The following DOCK9 variants were observed in gnomAD, a reference collection of about 807,000 sequenced individuals.
DOCK9 encodes dedicator of cytokinesis protein 9.
Under a neutral mutation model 263.3 loss-of-function variants are expected in DOCK9, and 89 were observed. The observed-to-expected ratio is 0.34, with a 90% confidence interval of 0.28 to 0.40. The LOEUF is 0.40. Ranked by LOEUF, DOCK9 falls within the 10% of genes least tolerant of loss-of-function variation. The pLI is 1.00. For synonymous variants in DOCK9, 976 were observed against 973.1 expected (o/e 1.00, Z -0.06); for missense variants, 2,140 against 2,603.4 (o/e 0.82, Z 3.87).
chr13:98,902,570 C>T (rs966007682), intron 11 of DOCK9, 79 bp from the exon 12 acceptor site: 3 of 1,390,522 alleles, frequency 2.2e-6, no homozygotes, highest in African/African-American at 1.4e-5. Context: ...AGAGAAATGA[C>T]AAGACCTATT....
intron 1 of DOCK9, among the ~76,000 whole-genome samples, chr13:98,987,512 A>C (rs971948256): frequency 3.3e-5 from 5 of 152,242 alleles, no homozygotes; most frequent in African/African-American, 1.2e-4. Context: ...GGTTAAATAC[A>C]AAACAAGTGA....
intron 5 of DOCK9, among the ~76,000 whole-genome samples, chr13:98,922,851 A>G (rs2052280281): frequency 6.6e-6 from 1 of 152,216 alleles, no homozygotes; most frequent in African/African-American, 2.4e-5. Flanking sequence ...CTCCCTTTAT[A>G]TAGTTCTTTA....
intron 20 of DOCK9, chr13:98,885,318 T>C: frequency 3.2e-6 from 2 of 616,258 alleles, no homozygotes; most frequent in African/African-American, 1.9e-5. Flanking sequence ...AATGTACATA[T>C]GCAGGCTGGG....
rs1402593501 is a variant in DOCK9 at position 98,850,084 on chromosome 13, A to T, written c.3976T>A (p.Ser1326Thr). 3 of 1,559,794 alleles carry T rather than the reference A, an allele frequency of 1.9e-6. No individual in the cohort carries two copies. The highest frequency in any genetic ancestry group is 1.7e-4 in the Middle Eastern group (1 of 5,758). The change falls in exon 36 of 53, where the codon TCA (serine) becomes ACA (threonine). Residue 1326 changes from serine (S) to threonine (T), a missense_variant. Physicochemically the swap from Ser to Thr is moderately conservative, Grantham distance 58. Coordinates refer to ENST00000682017, the MANE Select transcript of DOCK9 (RefSeq NM_001366683.2). ...DALFTYWNKA[S>T]TSELMDFFTI... is the part of the protein sequence containing the mutation. ...AAAAAATCCATAAGTTCAGATGTTG[A>T]AGCCTTGTTCCAATATGTAAACAAA...
chr13:98,848,689 TTCGGG>T, intron 36 of DOCK9, 50 bp from the exon 37 acceptor site: 1 of 1,546,400 alleles, frequency 6.5e-7, no homozygotes, highest in Non-Finnish European at 8.8e-7. Flanking sequence ...TAAAATTATT[TTCGGG>T]ACGTTATTTA....
rs373724003 is a variant in DOCK9 at position 99,015,004 on chromosome 13, T to TCCC, written c.130-59456_130-59454dup. Reference sequence around the variant, plus strand: ...TTCTTTCATGCTCCCTTTAAATTTCTCCCCCCCGCATCAAGGACTGGCCAT... The same window carrying TCCC: ...TTCTTTCATGCTCCCTTTAAATTTCTCCCCCCCCCCGCATCAAGGACTGGCCAT... On this transcript the variant is annotated intron_variant, in intron 1 of 32. Transcript: ENST00000427887. Among the ~76,000 whole-genome samples, 794 of 151,314 alleles carry TCCC rather than the reference T, an allele frequency of 5.2e-3. 7 individuals are homozygous for TCCC. The highest frequency in any genetic ancestry group is 0.018 in the African/African-American group (751 of 41,028).
At chr13:98,898,639 T>G (rs1182716689) in intron 13 of DOCK9, among the ~76,000 whole-genome samples, 1 of 152,218 alleles carries the variant, frequency 6.6e-6, no homozygotes, top group Non-Finnish European at 1.5e-5. Flanking sequence ...ATATATCACA[T>G]TATTAGGATT....
At chr13:99,076,701 G>A (rs941130380) in intron 1 of DOCK9, among the ~76,000 whole-genome samples, 3 of 152,072 alleles carry the variant, frequency 2.0e-5, no homozygotes, top group African/African-American at 7.2e-5. Flanking sequence ...AATACGAAAA[G>A]GATAAAATGA....
At chr13:99,036,367 AGCTT>A (rs1887879284) in intron 1 of DOCK9, among the ~76,000 whole-genome samples, 1 of 152,088 alleles carries the variant, frequency 6.6e-6, no homozygotes, top group Non-Finnish European at 1.5e-5. Flanking sequence ...GAGGCCAGAG[AGCTT>A]GCTAGCTCTC....
At chr13:98,976,113 G>A (rs1055340443) in intron 1 of DOCK9, among the ~76,000 whole-genome samples, 49 of 152,248 alleles carry the variant, frequency 3.2e-4, no homozygotes, top group East Asian at 9.6e-4. Flanking sequence ...AACACTGCCC[G>A]ATAAGAAAAA....
intron 35 of DOCK9, among the ~76,000 whole-genome samples, chr13:98,850,401 C>CCAT (rs1429212916): frequency 2.0e-5 from 3 of 152,202 alleles, no homozygotes; most frequent in African/African-American, 7.2e-5. Context: ...GTAACATGCT[C>CCAT]TTAAATAGAC....
chr13:98,888,203 G>A lies in DOCK9; in HGVS notation c.1998C>T (p.Cys666=). 4 of 1,610,108 alleles carry A rather than the reference G, an allele frequency of 2.5e-6. No homozygotes were observed. Among genetic ancestry groups the A allele is most frequent in the Non-Finnish European group, 3.4e-6 (4 of 1,178,038 alleles). The change falls in exon 18 of 53, where the codon TGC becomes TGT. Residue 666 remains cysteine, a synonymous_variant. Coordinates refer to ENST00000682017, the MANE Select transcript of DOCK9 (RefSeq NM_001366683.2). The part of the protein sequence containing the change: ...SFAKARNIAI[C]IEFKDSDEED... ...CCTCATCTGAATCTTTGAATTCAAT[G>A]CAAATCGCAATATTTCTAGCCTGCA...
At chr13:98,817,583 A>G (rs964414887) in intron 45 of DOCK9, among the ~76,000 whole-genome samples, 5 of 150,308 alleles carry the variant, frequency 3.3e-5, no homozygotes, top group Non-Finnish European at 7.4e-5. Context: ...GTGAGCCACC[A>G]CATCTAGCCT....
At chr13:99,028,381 GCAATC>G (rs1303938860) in intron 1 of DOCK9, among the ~76,000 whole-genome samples, 2 of 152,066 alleles carry the variant, frequency 1.3e-5, no homozygotes, top group African/African-American at 4.8e-5. Context: ...GAAAACCACA[GCAATC>G]CAAAAAAAGG....
intron 15 of DOCK9, among the ~76,000 whole-genome samples, chr13:98,894,672 T>C (rs1166723857): frequency 6.6e-6 from 1 of 151,958 alleles, no homozygotes; most frequent in Non-Finnish European, 1.5e-5. Context: ...GAAATTTTCT[T>C]GAAACTCAAA....
At chr13:98,910,973 T>C (rs765497936) in intron 9 of DOCK9, among the ~76,000 whole-genome samples, 60 of 151,942 alleles carry the variant, frequency 3.9e-4, no homozygotes, top group Non-Finnish European at 6.9e-4. Context: ...TCTCAACCGG[T>C]GCAAATAGTT....
At chr13:98,832,602 G>A (rs1190475540) in intron 39 of DOCK9, among the ~76,000 whole-genome samples, 2 of 152,172 alleles carry the variant, frequency 1.3e-5, no homozygotes, top group African/African-American at 4.8e-5. Flanking sequence ...AGCCTGGTTG[G>A]CTACAACTCC....
chr13:98,810,212 T>G lies in DOCK9; in HGVS notation c.5210A>C (p.Tyr1737Ser). The G allele has an allele frequency of 6.2e-7, 1 of 1,613,978 alleles. No homozygotes were observed. Among genetic ancestry groups the G allele is most frequent in the Non-Finnish European group, 8.5e-7 (1 of 1,179,904 alleles). The change falls in exon 46 of 53, where the codon TAC becomes TCC. Residue 1737 changes from tyrosine (Y) to serine (S), a missense_variant. Physicochemically the swap from Tyr to Ser is moderately radical, Grantham distance 144 (BLOSUM62 -2). Around this residue, in one of 2 missense-constraint regions of DOCK9, gnomAD observed 619 missense variants for 861.8 expected, o/e 0.72. Transcript: ENST00000682017. ...AERYELIADI[Y>S]KLIIPIYEKR... Reference sequence around the variant, plus strand: ...CTCATAAATGGGGATGATAAGTTTGTAGATGTCGGCGATGAGCTCGTAGCG... The same window carrying G: ...CTCATAAATGGGGATGATAAGTTTGGAGATGTCGGCGATGAGCTCGTAGCG...
rs757177575 is a variant in DOCK9 at position 98,995,893 on chromosome 13, C to G, written c.130-40342G>C. On this transcript the variant is annotated intron_variant, in intron 1 of 32. Coordinates refer to the DOCK9 transcript ENST00000427887. ...AATAGCATGTGCAAAGGCCCTGAAG[C>G]GCAGAATAGTTTGCCCTCTTTGAGC... Among the ~76,000 whole-genome samples the G allele has an allele frequency of 2.6e-5, 4 of 152,218 alleles. 1 individual carries two copies. The South Asian group carries it at 8.3e-4, about 32-fold the overall frequency.
Sources: allele counts gnomAD v4.1 joint callset (sites outside exome capture counted in the v4.1 genomes callset), GRCh38; gene constraint gnomAD v4.1.1; regional missense constraint gnomAD v4.1.1; transcripts MANE v1.5; gene names NCBI Gene and HGNC (gene_info 2026-07-23, HGNC 2026-07-21).